The following CNIH3 variants were observed in gnomAD, a reference collection of about 807,000 sequenced individuals.
The protein encoded by CNIH3 is cornichon family AMPA receptor auxiliary protein 3.
A neutral mutation model predicts 24.1 loss-of-function variants in CNIH3; 14 were observed. The ratio of observed to expected loss-of-function variants is 0.58; its 90% CI spans 0.38 to 0.91. CNIH3 has a LOEUF of 0.91. Among genes scored for constraint, CNIH3 ranks in the 40% least tolerant of loss-of-function variants. The pLI, the probability that CNIH3 is intolerant of heterozygous loss-of-function variation, is 0.00. For synonymous variants in CNIH3, 68 were observed against 73.8 expected, an observed-to-expected ratio of 0.92 and a Z score of 0.40; for missense variants, 178 against 196.8, an observed-to-expected ratio of 0.90 and a Z score of 0.57.
chr1:224,708,336 T>C (rs1687935234), intron 3 of CNIH3, among the ~76,000 whole-genome samples: 1 of 152,072 alleles, frequency 6.6e-6, no homozygotes, highest in Non-Finnish European at 1.5e-5. Flanking sequence ...TTGAGTACCT[T>C]CTCTCTCTCA....
chr1:224,437,448 A>C lies in CNIH3; in HGVS notation n.203+2586A>C, dbSNP rs1002594737. On this transcript the variant is annotated intron_variant and non_coding_transcript_variant, in intron 1 of 5. Transcript: ENST00000471578. ...AGGGATGCTGTAGAATCAAATATCG[A>C]GTAGGTAGTGGAACTAATTGACCTC... Among the ~76,000 whole-genome samples, 6 of 152,158 alleles carry C rather than the reference A, an allele frequency of 3.9e-5. 1 individual carries two copies. Among genetic ancestry groups the C allele is most frequent in the Non-Finnish European group, 7.4e-5 (5 of 68,026 alleles).
intron 1 of CNIH3, among the ~76,000 whole-genome samples, chr1:224,677,567 C>G (rs1686198652): frequency 6.6e-6 from 1 of 152,356 alleles, no homozygotes; most frequent in South Asian, 2.1e-4. Context: ...AGCTCAAAGG[C>G]ATAAGCCACA....
At chr1:224,526,275 C>T (rs1360209162) in intron 2 of CNIH3, among the ~76,000 whole-genome samples, 2 of 152,116 alleles carry the variant, frequency 1.3e-5, no homozygotes, top group Non-Finnish European at 2.9e-5. Context: ...AACTGAATCC[C>T]CAATGTGATC....
At chr1:224,451,611 C>T (rs1443095422) in intron 1 of CNIH3, among the ~76,000 whole-genome samples, 2 of 152,090 alleles carry the variant, frequency 1.3e-5, no homozygotes, top group Admixed American at 1.3e-4. Context: ...ACTTATTCAC[C>T]CATATGCCAT....
intron 4 of CNIH3, among the ~76,000 whole-genome samples, chr1:224,573,703 G>C (rs533891918): frequency 5.9e-5 from 9 of 152,282 alleles, no homozygotes; most frequent in Non-Finnish European, 1.3e-4. Context: ...AATTCTTGGG[G>C]AGCTTTTTTC....
chr1:224,563,460 G>GGGGT (rs1680457190), intron 3 of CNIH3, among the ~76,000 whole-genome samples: 2 of 146,366 alleles, frequency 1.4e-5, no homozygotes, highest in African/African-American at 5.1e-5. Flanking sequence ...TTTTAGACGG[G>GGGGT]GTGTGTGTGT....
chr1:224,683,436 T>C (rs1196824798), intron 2 of CNIH3, among the ~76,000 whole-genome samples: 2 of 152,238 alleles, frequency 1.3e-5, no homozygotes, highest in South Asian at 2.1e-4. Flanking sequence ...TTAACTCTTC[T>C]GCGAGGTCTT....
At chr1:224,530,934 C>T (rs1679041990) in intron 2 of CNIH3, among the ~76,000 whole-genome samples, 1 of 152,176 alleles carries the variant, frequency 6.6e-6, no homozygotes, top group Non-Finnish European at 1.5e-5. Context: ...AGCATTATTT[C>T]CATCACATCA....
At chr1:224,657,331 A>G (rs2125112081) in intron 1 of CNIH3, among the ~76,000 whole-genome samples, 1 of 152,262 alleles carries the variant, frequency 6.6e-6, no homozygotes, top group East Asian at 1.9e-4. Context: ...CCAGTCCGCT[A>G]TGGTTTGCAT....
intron 1 of CNIH3, among the ~76,000 whole-genome samples, chr1:224,454,805 C>T (rs1455502141): frequency 6.6e-6 from 1 of 152,028 alleles, no homozygotes; most frequent in Non-Finnish European, 1.5e-5. Context: ...GAGGTGGAGT[C>T]GCTTGTGGAA....
At chr1:224,610,460 ACT>A (rs913565601) in intron 3 of CNIH3, among the ~76,000 whole-genome samples, 10 of 150,918 alleles carry the variant, frequency 6.6e-5, no homozygotes, top group African/African-American at 9.7e-5. Flanking sequence ...ATTCCCTTTC[ACT>A]CTCTCTCTCT....
At chr1:224,596,227 C>G (rs1201701643) in intron 3 of CNIH3, among the ~76,000 whole-genome samples, 1 of 152,198 alleles carries the variant, frequency 6.6e-6, no homozygotes, top group Non-Finnish European at 1.5e-5. Context: ...TAAGTTGAAG[C>G]CAATGCTCAT....
intron 4 of CNIH3, chr1:224,574,571 C>A: frequency 1.3e-6 from 1 of 774,670 alleles, no homozygotes; most frequent in Non-Finnish European, 2.4e-6. Context: ...TCGACTGTGC[C>A]CACGTGTACC....
At chr1:224,584,295 A>G (rs1217813984) in intron 5 of CNIH3, among the ~76,000 whole-genome samples, 2 of 152,224 alleles carry the variant, frequency 1.3e-5, no homozygotes, top group Non-Finnish European at 2.9e-5. Flanking sequence ...TACAGTCCCC[A>G]TAAACATTCC....
rs180919661 is a variant in CNIH3, at chr1:224,441,217, G to A, written n.203+6355G>A. ...TTAATGTTATGCTTCTAAAGCACAC[G>A]TTTTTAAAAGAACACTCAAAAAACA... On this transcript the variant is annotated intron_variant and non_coding_transcript_variant, in intron 1 of 5. Coordinates refer to the CNIH3 transcript ENST00000471578. Among the ~76,000 whole-genome samples the A allele has an allele frequency of 1.3e-3, 191 of 152,194 alleles. 1 individual carries two copies. The highest frequency in any genetic ancestry group is 6.3e-3 in the Admixed American group (96 of 15,290).
chr1:224,633,099 T>C (rs1267458465), intron 1 of CNIH3, among the ~76,000 whole-genome samples: 1 of 152,196 alleles, frequency 6.6e-6, no homozygotes, highest in Non-Finnish European at 1.5e-5. Context: ...GGTTTGTCTC[T>C]TGATAGGCTT....
At chr1:224,588,062 C>T (rs941361777) in intron 5 of CNIH3, among the ~76,000 whole-genome samples, 4 of 152,152 alleles carry the variant, frequency 2.6e-5, no homozygotes, top group African/African-American at 7.2e-5. Context: ...TAAATGTCAA[C>T]TCCCATCTCA....
At chr1:224,503,290 C>T (rs939584577) in intron 1 of CNIH3, among the ~76,000 whole-genome samples, 1 of 152,224 alleles carries the variant, frequency 6.6e-6, no homozygotes, top group Non-Finnish European at 1.5e-5. Context: ...GCCAGGACCG[C>T]AGAGTGTTCC....
chr1:224,720,071 G>A (rs1349043845), intron 3 of CNIH3, among the ~76,000 whole-genome samples: 2 of 152,108 alleles, frequency 1.3e-5, no homozygotes, highest in African/African-American at 4.8e-5. Context: ...CCCTGTATGT[G>A]CACTCAGTAA....
Sources: gnomAD v4.1 joint callset for allele counts (sites outside exome capture counted in the v4.1 genomes callset) on GRCh38, gnomAD v4.1.1 for gene constraint, MANE v1.5 for transcripts, NCBI Gene and HGNC (gene_info 2026-07-23, HGNC 2026-07-21) for gene names.